Variants in GLT8D2 observed in about 807,000 individuals in gnomAD.
GLT8D2 encodes glycosyltransferase 8 domain containing 2.
In GLT8D2, 45 loss-of-function variants were observed where a neutral mutation model predicts 44.5. The observed-to-expected ratio is 1.01, with a 90% confidence interval of 0.80 to 1.30. The LOEUF (loss-of-function observed/expected upper bound fraction) is 1.30, where lower values mean the gene tolerates loss of function less well. GLT8D2 is among the 50% of genes most tolerant of loss of function. The pLI, the probability that GLT8D2 is intolerant of heterozygous loss-of-function variation, is 0.00. For synonymous variants in GLT8D2, 156 were observed against 157.2 expected (o/e 0.99, Z 0.06); for missense variants, 400 against 430.4 (o/e 0.93, Z 0.62).
At chr12:104,010,627 G>A (rs987360754) in intron 4 of GLT8D2, among the ~76,000 whole-genome samples, 5 of 152,162 alleles carry the variant, frequency 3.3e-5, no homozygotes, top group African/African-American at 1.2e-4. Context: ...CCAGTGCCTG[G>A]CACATAGTAG....
chr12:104,043,909 T>A (rs924175068), intron 1 of GLT8D2, among the ~76,000 whole-genome samples: 2 of 152,272 alleles, frequency 1.3e-5, no homozygotes, highest in African/African-American at 4.8e-5. Context: ...TACCACCTTC[T>A]GTGGCTCCAC....
chr12:104,034,927 T>C (rs537593620), intron 1 of GLT8D2, among the ~76,000 whole-genome samples: 1 of 152,340 alleles, frequency 6.6e-6, no homozygotes, highest in Non-Finnish European at 1.5e-5. Flanking sequence ...GGTGCCCCTC[T>C]GGGACGAAGC....
chr12:103,992,282 A>T (rs1261622630), intron 10 of GLT8D2, among the ~76,000 whole-genome samples: 1 of 152,220 alleles, frequency 6.6e-6, no homozygotes, highest in African/African-American at 2.4e-5. Flanking sequence ...TGTAGTGAGT[A>T]AAAGACTTAG....
intron 1 of GLT8D2, among the ~76,000 whole-genome samples, chr12:104,028,666 T>C (rs906964598): frequency 1.1e-4 from 17 of 152,176 alleles, no homozygotes; most frequent in Non-Finnish European, 4.4e-5. Context: ...AATAAGTAAT[T>C]CAGGCAAAAA....
chr12:104,005,298 A>G (rs1255566261), intron 4 of GLT8D2, among the ~76,000 whole-genome samples: 1 of 152,210 alleles, frequency 6.6e-6, no homozygotes, highest in Non-Finnish European at 1.5e-5. Flanking sequence ...AACCTAGGCA[A>G]TACCATTCAG....
chr12:104,001,390 C>A (rs895676407), intron 5 of GLT8D2, among the ~76,000 whole-genome samples: 1 of 152,162 alleles, frequency 6.6e-6, no homozygotes, highest in Non-Finnish European at 1.5e-5. Flanking sequence ...AGCACAGATT[C>A]CTGGAAGAGG....
chr12:103,996,962 T>C (rs1232221909), intron 7 of GLT8D2, 115 bp from the exon 8 acceptor site: 1 of 638,670 alleles, frequency 1.6e-6, no homozygotes, highest in Non-Finnish European at 2.7e-6. Context: ...ATTGGATCCC[T>C]GATTTCAAGT....
Position 103,996,876 on chromosome 12 carries a change from C to T in GLT8D2, c.488-29G>A, listed in dbSNP as rs766942055. ...AATTTAGAAACACCACCAAGTAAAA[C>T]ATTATAGCATTTGTTTTTGGGCTAG... On this transcript the variant is annotated intron_variant, in intron 7 of 10. Transcript: ENST00000360814. 29 of 1,503,286 alleles carry T rather than the reference C, an allele frequency of 1.9e-5. 1 individual carries two copies. Among genetic ancestry groups the T allele is most frequent in the South Asian group, 1.6e-4 (14 of 87,034 alleles). The allele number at this position is 1,503,286 out of a possible 1,614,324, so 93.1% of individuals were successfully genotyped here.
intron 1 of GLT8D2, among the ~76,000 whole-genome samples, chr12:104,063,656 G>A (rs1882890790): frequency 6.6e-6 from 1 of 152,190 alleles, no homozygotes; most frequent in South Asian, 2.1e-4. Context: ...GGGCTTGGGG[G>A]TTCTGGAATC....
At chr12:104,005,029 C>A (rs1436835862) in intron 4 of GLT8D2, among the ~76,000 whole-genome samples, 1 of 152,142 alleles carries the variant, frequency 6.6e-6, no homozygotes, top group Non-Finnish European at 1.5e-5. Flanking sequence ...GGTACCAAAA[C>A]AGAGATATAG....
chr12:104,018,433 A>G (rs1328860128), intron 3 of GLT8D2, among the ~76,000 whole-genome samples: 1 of 152,104 alleles, frequency 6.6e-6, no homozygotes, highest in Non-Finnish European at 1.5e-5. Flanking sequence ...TTTTGCTGAC[A>G]CCCAGTTCCT....
At position 104,027,876 on chromosome 12, in the gene GLT8D2, G is replaced by A. The variant is rs140341330; in HGVS notation, c.-163-6385C>T. On this transcript the variant is annotated intron_variant, in intron 1 of 10. Coordinates refer to ENST00000360814, the MANE Select transcript of GLT8D2 (RefSeq NM_001384711.1). ...TGCTGAGCTCTCAAAGGGCCCTTGC[G>A]GCTACACCAGAGGTTAGGAGAATTG... Among the ~76,000 whole-genome samples the A allele has an allele frequency of 6.0e-3, 907 of 152,274 alleles. 4 individuals carry two copies. The highest frequency in any genetic ancestry group is 8.6e-3 in the Non-Finnish European group (586 of 68,018).
At chr12:104,001,360 A>T (rs1874192901) in intron 5 of GLT8D2, among the ~76,000 whole-genome samples, 1 of 152,226 alleles carries the variant, frequency 6.6e-6, no homozygotes, top group East Asian at 1.9e-4. Flanking sequence ...TATTTTGGTA[A>T]TATGTACTAG....
At position 103,996,890 on chromosome 12, in the gene GLT8D2, T is replaced by C. The variant is rs1412053845; in HGVS notation, c.488-43A>G. ...ACCAAGTAAAACATTATAGCATTTG[T>C]TTTTGGGCTAGATAGAGCCTTAGAG... On this transcript the variant is annotated intron_variant, in intron 7 of 10. Transcript: ENST00000360814. 4.2e-6 allele frequency: 6 copies of C among 1,427,996 alleles called. No homozygotes were observed. The African/African-American group carries it at 4.2e-5, about 10-fold the overall frequency. The allele number at this position is 1,427,996 out of a possible 1,614,324, so 88.5% of individuals were successfully genotyped here.
chr12:104,036,313 T>C (rs1879923659), intron 1 of GLT8D2, among the ~76,000 whole-genome samples: 1 of 152,134 alleles, frequency 6.6e-6, no homozygotes. Context: ...CATAACAATA[T>C]TAACCTTAAA....
At chr12:104,032,685 A>G (rs1041034243) in intron 1 of GLT8D2, among the ~76,000 whole-genome samples, 2 of 152,156 alleles carry the variant, frequency 1.3e-5, no homozygotes, top group African/African-American at 4.8e-5. Flanking sequence ...TGATGCAGAG[A>G]AAAGGGAACC....
At chr12:104,012,189 A>AAAT (rs1566197200) in intron 4 of GLT8D2, among the ~76,000 whole-genome samples, 20 of 98,436 alleles carry the variant, frequency 2.0e-4, no homozygotes, top group Non-Finnish European at 3.4e-4. Flanking sequence ...AAAAAAAAAA[A>AAAT]ATATATATAT....
intron 9 of GLT8D2, chr12:103,993,801 G>A (rs1873070328): frequency 3.9e-6 from 1 of 258,462 alleles, no homozygotes; most frequent in Non-Finnish European, 7.3e-6. Context: ...ACATTATTTA[G>A]AATAACTTTA....
chr12:104,017,129 A>T (rs1473637891), intron 3 of GLT8D2, among the ~76,000 whole-genome samples: 1 of 152,218 alleles, frequency 6.6e-6, no homozygotes, highest in Non-Finnish European at 1.5e-5. Flanking sequence ...CATATGAGAA[A>T]GTCAATCTTT....
Sources: gnomAD v4.1 joint callset for allele counts (sites outside exome capture counted in the v4.1 genomes callset) on GRCh38, gnomAD v4.1.1 for gene constraint, MANE v1.5 for transcripts, NCBI Gene and HGNC (gene_info 2026-07-23, HGNC 2026-07-21) for gene names.